NFILZ: variants seen among roughly 807,000 people sequenced by gnomAD.
The protein encoded by NFILZ is NFIL3 like protein.
intron 3 of NFILZ, among the ~76,000 whole-genome samples, chr19:8,652,978 TCC>T (rs1600145466): frequency 0.033 from 1,819 of 54,606 alleles, 82 homozygotes; most frequent in East Asian, 0.13. Context: ...CCTCCTTCCT[TCC>T]TTCCTTCCTT....
intron 3 of NFILZ, among the ~76,000 whole-genome samples, chr19:8,665,080 C>A (rs1330464336): frequency 2.6e-5 from 4 of 152,132 alleles, no homozygotes; most frequent in Non-Finnish European, 5.9e-5. Flanking sequence ...ATTTATTCGA[C>A]TGTCTATTCA....
At chr19:8,640,316 G>GTTTTTTTT (rs71179871) in intron 3 of NFILZ, among the ~76,000 whole-genome samples, 12,389 of 123,498 alleles carry the variant, frequency 0.1, 975 homozygotes, top group Non-Finnish European at 0.14. Context: ...TCCTGCTGTA[G>GTTTTTTTT]TTTTTTTTTT....
rs2043003007 is a variant in NFILZ at position 8,656,482 on chromosome 19, C to CAGCCCACCTTCTCCCTGA, written c.-163-18054_-163-18053insTGAAGCCCACCTTCTCCC. ...TCTCTCTGAAGCCCACCTTCTCCCG[C>CAGCCCACCTTCTCCCTGA]AGCCCACCTTCTCCCGCAGCCCACC... On this transcript the variant is annotated intron_variant, in intron 3 of 5. Transcript: ENST00000691075. Among the ~76,000 whole-genome samples, 22 of 45,606 alleles carry CAGCCCACCTTCTCCCTGA rather than the reference C, an allele frequency of 4.8e-4. 3 individuals carry two copies. The highest frequency in any genetic ancestry group is 1.2e-3 in the Admixed American group (5 of 4,158). The allele number at this position is 45,606 out of a possible 152,430, so 29.9% of individuals were successfully genotyped here.
intron 3 of NFILZ, among the ~76,000 whole-genome samples, chr19:8,666,391 G>A (rs1363964395): frequency 6.6e-6 from 1 of 151,578 alleles, no homozygotes; most frequent in Admixed American, 6.6e-5. Context: ...GCCCAGGCTG[G>A]TCTTGAACTC....
chr19:8,642,755 T>G (rs1336388644), intron 3 of NFILZ, among the ~76,000 whole-genome samples: 1 of 152,124 alleles, frequency 6.6e-6, no homozygotes, highest in African/African-American at 2.4e-5. Context: ...TGTTTGGTAA[T>G]GTCTGATTGG....
At chr19:8,663,550 C>T (rs991141798) in intron 3 of NFILZ, among the ~76,000 whole-genome samples, 1 of 147,028 alleles carries the variant, frequency 6.8e-6, no homozygotes, top group Non-Finnish European at 1.5e-5. Flanking sequence ...GTGGAGGGGG[C>T]GCTGGTGGTG....
chr19:8,659,106 G>C (rs1217534053), intron 3 of NFILZ, among the ~76,000 whole-genome samples: 1 of 151,996 alleles, frequency 6.6e-6, no homozygotes, highest in East Asian at 1.9e-4. Flanking sequence ...AATTAGCCAG[G>C]TGTAGTGGTG....
In NFILZ at chr19:8,679,279, A is replaced by ATTATTG. The variant is rs1457606751; in HGVS notation, c.*1649_*1650insGTTATT. On this transcript the variant is annotated 3_prime_UTR_variant, in exon 6 of 6. Coordinates refer to ENST00000691075, the MANE Select transcript of NFILZ (RefSeq NM_001378600.1). Reference sequence around the variant, plus strand: ...ACTCAGCCCCTCTCCCATTATTATTATTATTATTATTATTATTATTATTAT... The same window carrying ATTATTG: ...ACTCAGCCCCTCTCCCATTATTATTATTATTGTTATTATTATTATTATTATTATTAT... Among the ~76,000 whole-genome samples, 11 of 93,062 alleles carry ATTATTG rather than the reference A, an allele frequency of 1.2e-4. No homozygotes were observed. The highest frequency in any genetic ancestry group is 3.9e-4 in the African/African-American group (11 of 28,276). 61.1% of individuals were successfully genotyped at this position (93,062 alleles called of 152,430 possible).
chr19:8,640,730 C>A (rs1167156667), intron 3 of NFILZ, among the ~76,000 whole-genome samples: 1 of 152,150 alleles, frequency 6.6e-6, no homozygotes, highest in African/African-American at 2.4e-5. Context: ...ACTCTTCTCA[C>A]AGTTTCTGTA....
In NFILZ at chr19:8,679,269, C is replaced by CATT. The variant is rs55926423; in HGVS notation, c.*1669_*1671dup. On this transcript the variant is annotated 3_prime_UTR_variant, in exon 6 of 6. Transcript: ENST00000691075. ...TCAGTTTCTCACTCAGCCCCTCTCC[C>CATT]ATTATTATTATTATTATTATTATTA... is the stretch of plus-strand genomic sequence containing the variant. Among the ~76,000 whole-genome samples, 12,226 of 145,724 alleles carry CATT rather than the reference C, an allele frequency of 0.084. 656 individuals carry two copies. The highest frequency in any genetic ancestry group is 0.16 in the African/African-American group (6,267 of 39,072).
chr19:8,646,935 C>T (rs533797540), intron 3 of NFILZ, among the ~76,000 whole-genome samples: 1 of 152,240 alleles, frequency 6.6e-6, no homozygotes, highest in Admixed American at 6.5e-5. Flanking sequence ...GCAGCTGGCC[C>T]CAGTTCAAAT....
intron 3 of NFILZ, among the ~76,000 whole-genome samples, chr19:8,649,714 G>T (rs542234057): frequency 1.3e-5 from 2 of 152,228 alleles, no homozygotes; most frequent in South Asian, 2.1e-4. Context: ...CACATTGTCT[G>T]CAGAGAATTG....
intron 3 of NFILZ, among the ~76,000 whole-genome samples, chr19:8,673,444 A>ACTGCAG (rs1452272744): frequency 3.9e-5 from 6 of 152,254 alleles, no homozygotes; most frequent in African/African-American, 1.4e-4. Context: ...GGTTCACCTA[A>ACTGCAG]CTGCAGCTGC....
chr19:8,653,007 C>CTTTCTTTCTTTCTTTCTTTCTTT (rs1568420430), intron 3 of NFILZ, among the ~76,000 whole-genome samples: 4 of 46,724 alleles, frequency 8.6e-5, no homozygotes, highest in African/African-American at 2.7e-4. Context: ...TTCCTTCCTT[C>CTTTCTTTCTTTCTTTCTTTCTTT]CTTCCTTTCT....
At chr19:8,672,816 T>G (rs1765729431) in intron 3 of NFILZ, among the ~76,000 whole-genome samples, 1 of 152,326 alleles carries the variant, frequency 6.6e-6, no homozygotes. Flanking sequence ...TTCCTGATCC[T>G]GGGGTGGAGG....
At chr19:8,655,912 A>AG (rs5827011) in intron 3 of NFILZ, among the ~76,000 whole-genome samples, 6 of 151,394 alleles carry the variant, frequency 4.0e-5, no homozygotes, top group Admixed American at 6.6e-5. Context: ...TCTCTGGTTC[A>AG]GGGGGGGTCT....
intron 3 of NFILZ, among the ~76,000 whole-genome samples, chr19:8,653,045 TCTCTC>T (rs2042976043): frequency 1.5e-5 from 1 of 66,696 alleles, no homozygotes; most frequent in Non-Finnish European, 3.0e-5. Context: ...TCTTTCTCTC[TCTCTC>T]TCTCTCTCTC....
intron 3 of NFILZ, among the ~76,000 whole-genome samples, chr19:8,671,790 C>T (rs945490808): frequency 6.6e-6 from 1 of 152,298 alleles, no homozygotes; most frequent in South Asian, 2.1e-4. Flanking sequence ...GGTCAACATC[C>T]GTTGAAGTTG....
chr19:8,662,503 G>A (rs149561328), intron 3 of NFILZ, among the ~76,000 whole-genome samples: 1 of 152,270 alleles, frequency 6.6e-6, no homozygotes, highest in African/African-American at 2.4e-5. Context: ...GGAGGAACAC[G>A]GAGGAGGCCC....
Sources: allele counts gnomAD v4.1 joint callset (sites outside exome capture counted in the v4.1 genomes callset), GRCh38; gene constraint gnomAD v4.1.1; transcripts MANE v1.5; gene names NCBI Gene and HGNC (gene_info 2026-07-23, HGNC 2026-07-21).